The following IGF2R variants were observed in gnomAD, a reference collection of about 807,000 sequenced individuals.
The protein encoded by IGF2R is insulin like growth factor 2 receptor, also known as cation-independent mannose-6-phosphate receptor.
Under a neutral mutation model 270.6 loss-of-function variants are expected in IGF2R, and 91 were observed. The ratio of observed to expected loss-of-function variants is 0.34; its 90% confidence interval spans 0.28 to 0.40. The LOEUF is 0.40. IGF2R is among the 10% of genes least tolerant of loss of function. The pLI is 1.00. For missense variants in IGF2R, 2,805 were observed against 3,188.3 expected (o/e 0.88, Z 2.90); for synonymous variants, 1,316 against 1,258.9 (o/e 1.05, Z -0.96).
chr6:160,104,970 CAG>C lies in IGF2R; in HGVS notation c.7363_7364del (p.Arg2455GlyfsTer2). Reference protein sequence around the residue: ...EREDDRVGLVRGEKARKGKSS... With the variant: ...EREDDRVGLVXGEKARKGKSS... Reference sequence around the variant, plus strand: ...GTGAGGACGATAGGGTGGGGCTGGTCAGGGGTGAGAAGGCGAGGAAAGGGAAG... The same window carrying C: ...GTGAGGACGATAGGGTGGGGCTGGTCGGGTGAGAAGGCGAGGAAAGGGAAG... On this transcript the variant is annotated frameshift_variant, in exon 48 of 48. Coordinates refer to ENST00000356956, the MANE Select transcript of IGF2R (RefSeq NM_000876.4). LOFTEE classifies it low-confidence loss of function (END_TRUNC). 1 of 1,614,044 alleles carries C rather than the reference CAG, an allele frequency of 6.2e-7. No homozygotes were observed. Among genetic ancestry groups the C allele is most frequent in the Non-Finnish European group, 8.5e-7 (1 of 1,180,030 alleles).
chr6:160,000,728 G>GTT (rs59215791), intron 2 of IGF2R, among the ~76,000 whole-genome samples: 3,863 of 69,902 alleles, frequency 0.055, 397 homozygotes, highest in East Asian at 0.19. Context: ...GTGTGAGGTT[G>GTT]TTTTTTTTTT....
At chr6:160,036,311 C>T (rs561773509) in intron 10 of IGF2R, among the ~76,000 whole-genome samples, 2 of 152,292 alleles carry the variant, frequency 1.3e-5, no homozygotes, top group East Asian at 1.9e-4. Context: ...CTACTAGCCT[C>T]CTTAGCCATG....
chr6:160,101,377 T>C (rs1583308066), intron 45 of IGF2R, among the ~76,000 whole-genome samples: 2 of 152,288 alleles, frequency 1.3e-5, no homozygotes, highest in Non-Finnish European at 2.9e-5. Flanking sequence ...CTCTCAGACC[T>C]GTCTGTGGAG....
chr6:160,102,910 A>G lies in IGF2R; in HGVS notation c.6995+239A>G, dbSNP rs1779521454. The stretch of plus-strand genomic sequence containing the variant: ...ATCACCCGTGCCTGCGGCTTCTAGG[A>G]CCGTGGTCCTTTGTGTCCAAAGATG... On this transcript the variant is annotated intron_variant, in intron 46 of 47. Coordinates refer to ENST00000356956, the MANE Select transcript of IGF2R (RefSeq NM_000876.4). The surrounding 1 kb of genome is among the most constrained non-coding windows in gnomAD (Gnocchi z 4.5). Among the ~76,000 whole-genome samples, 1 of 152,114 alleles carries G rather than the reference A, an allele frequency of 6.6e-6. No individual in the cohort carries two copies. The highest frequency in any genetic ancestry group is 6.5e-5 in the Admixed American group (1 of 15,282).
At chr6:160,059,172 G>A (rs188233873) in intron 22 of IGF2R, 74 bp downstream of exon 22, 1 of 1,278,668 alleles carries the variant, frequency 7.8e-7, no homozygotes, top group East Asian at 2.3e-5. Context: ...GCACCTTCCT[G>A]AGTGTAGGAT....
chr6:160,079,604 A>G lies in IGF2R; in HGVS notation c.5503A>G (p.Ser1835Gly), dbSNP rs1778933519. The part of the protein sequence containing the change: ...FKVTRDSRTY[S>G]VGVCTFAVGP... ...GGTGACTCGCGACTCGCGCACCTACAGCGTTGGGGTGTGCACCTTTGCAGT... is the reference window on the plus strand; with the variant it reads ...GGTGACTCGCGACTCGCGCACCTACGGCGTTGGGGTGTGCACCTTTGCAGT... Residue 1835 changes from serine (S) to glycine (G), a missense_variant, in exon 38 of 48, where the codon AGC becomes GGC. This residue lies in a region of IGF2R where 1,851 missense variants were observed against 2,207.2 expected (regional missense o/e 0.84). Transcript: ENST00000356956. 2.7e-6 allele frequency: 4 copies of G among 1,468,666 alleles called. No homozygotes were observed. Among genetic ancestry groups the G allele is most frequent in the South Asian group, 1.5e-5 (1 of 67,792 alleles). 91.0% of individuals were successfully genotyped at this position (1,468,666 alleles called of 1,614,324 possible). A position where few individuals can be genotyped will look rare whatever the true frequency, so the allele number is the denominator to read the frequency against.
chr6:159,977,769 C>T (rs1783716898), intron 1 of IGF2R, among the ~76,000 whole-genome samples: 1 of 152,234 alleles, frequency 6.6e-6, no homozygotes, highest in African/African-American at 2.4e-5. Flanking sequence ...CCTCTGAAGT[C>T]TTCCTTTCCG....
intron 2 of IGF2R, among the ~76,000 whole-genome samples, chr6:159,999,857 C>G (rs1268414081): frequency 2.0e-5 from 3 of 152,096 alleles, no homozygotes; most frequent in Non-Finnish European, 4.4e-5. Context: ...AAATTAGTAA[C>G]ATATAGATAT....
intron 1 of IGF2R, among the ~76,000 whole-genome samples, chr6:159,978,427 CGTG>C (rs1051312528): frequency 2.0e-5 from 3 of 152,004 alleles, no homozygotes; most frequent in African/African-American, 7.3e-5. Flanking sequence ...AGGGGGCTGT[CGTG>C]GTTCCAGGGC....
chr6:160,000,737 T>TTG (rs1471020673), intron 2 of IGF2R, among the ~76,000 whole-genome samples: 1 of 140,348 alleles, frequency 7.1e-6, no homozygotes, highest in Admixed American at 7.0e-5. Context: ...TGTTTTTTTT[T>TTG]TTTTTTTTTT....
intron 22 of IGF2R, 128 bp from the exon 23 acceptor site, chr6:160,060,419 C>A: frequency 1.2e-6 from 1 of 841,900 alleles, no homozygotes; most frequent in Non-Finnish European, 1.9e-6. Context: ...GCCCTGGTGT[C>A]ATTGCTCCCA....
chr6:160,039,107 T>C (rs565123387), intron 10 of IGF2R, among the ~76,000 whole-genome samples: 31 of 152,310 alleles, frequency 2.0e-4, no homozygotes, highest in Admixed American at 1.5e-3. Context: ...AATGTGTCAT[T>C]AGGCGATTTT....
chr6:159,989,319 G>A (rs145331467), intron 1 of IGF2R, among the ~76,000 whole-genome samples: 28 of 152,156 alleles, frequency 1.8e-4, no homozygotes, highest in African/African-American at 6.8e-4. Context: ...GGGCACGTGG[G>A]GGGGCCTGGT....
intron 2 of IGF2R, among the ~76,000 whole-genome samples, chr6:159,992,706 G>T (rs1783998190): frequency 6.6e-6 from 1 of 151,956 alleles, no homozygotes; most frequent in Admixed American, 6.5e-5. Context: ...TTGCAATTAT[G>T]GATAGTGCTG....
rs1298288294 is a variant in IGF2R, at chr6:160,048,533, A to C, written c.2504A>C (p.Glu835Ala). ...GCATCGGCTTGCCAGATGAAGTATGAAAAAGATCAGGTGAATCTGTTTTCA... is the reference window on the plus strand; with the variant it reads ...GCATCGGCTTGCCAGATGAAGTATGCAAAAGATCAGGTGAATCTGTTTTCA... Reference protein sequence around the residue: ...RYASACQMKYEKDQGSFTEVV... With the variant: ...RYASACQMKYAKDQGSFTEVV... Residue 835 changes from glutamate (E) to alanine (A), a missense_variant, in exon 18 of 48, where the codon GAA becomes GCA. Around this residue, in one of 2 missense-constraint regions of IGF2R, gnomAD observed 1,851 missense variants for 2,207.2 expected, o/e 0.84. Coordinates refer to ENST00000356956, the MANE Select transcript of IGF2R (RefSeq NM_000876.4). 4.3e-6 allele frequency: 7 copies of C among 1,613,732 alleles called. No homozygotes were observed. Among genetic ancestry groups the C allele is most frequent in the Non-Finnish European group, 5.1e-6 (6 of 1,179,894 alleles).
chr6:159,986,232 CTT>C (rs34949766), intron 1 of IGF2R, among the ~76,000 whole-genome samples: 70 of 138,640 alleles, frequency 5.0e-4, no homozygotes, highest in Admixed American at 9.4e-4. Context: ...TGCTGCAGAA[CTT>C]TTTTTTTTTT....
chr6:160,042,531 A>G (rs2115243873), intron 11 of IGF2R, among the ~76,000 whole-genome samples: 1 of 152,092 alleles, frequency 6.6e-6, no homozygotes, highest in South Asian at 2.1e-4. Flanking sequence ...TGTGCTGGTG[A>G]CACTCAGCTG....
chr6:160,005,152 A>G (rs1038584992), intron 2 of IGF2R: 11 of 152,292 alleles, frequency 7.2e-5, no homozygotes, highest in African/African-American at 2.2e-4. Context: ...ACTGGGAGCC[A>G]TGGCAGCTGA....
chr6:160,033,634 C>G (rs1777750558), intron 9 of IGF2R, among the ~76,000 whole-genome samples: 1 of 152,272 alleles, frequency 6.6e-6, no homozygotes, highest in African/African-American at 2.4e-5. Flanking sequence ...TCTGTTAGAA[C>G]TGTTCACTTT....
Sources: gnomAD v4.1 joint callset for allele counts (sites outside exome capture counted in the v4.1 genomes callset) on GRCh38, gnomAD v4.1.1 for gene constraint, gnomAD v4.1.1 regional missense constraint, Gnocchi (gnomAD v3.1) non-coding constraint, MANE v1.5 for transcripts, NCBI Gene and HGNC (gene_info 2026-07-23, HGNC 2026-07-21) for gene names.